DTNA: variants seen among roughly 807,000 people sequenced by gnomAD.
DTNA encodes the protein dystrobrevin alpha, also known as dystrophin-related protein 3.
In DTNA, 43 loss-of-function variants were observed where a neutral mutation model predicts 100.7. The observed-to-expected ratio is 0.43, with a 90% CI of 0.33 to 0.55. The LOEUF (loss-of-function observed/expected upper bound fraction) is 0.55, where lower values mean the gene tolerates loss of function less well. DTNA is among the 20% of genes least tolerant of loss of function. The pLI is 0.04. For synonymous variants in DTNA, 349 were observed against 347.9 expected, an observed-to-expected ratio of 1.00 and a Z score of -0.04; for missense variants, 798 against 953.9, an observed-to-expected ratio of 0.84 and a Z score of 2.15.
chr18:34,576,304 A>G (rs1357929014), intron 1 of DTNA, among the ~76,000 whole-genome samples: 5 of 152,236 alleles, frequency 3.3e-5, no homozygotes, highest in African/African-American at 1.2e-4. Context: ...CCAGGAACCC[A>G]GAATATCCCA....
At chr18:34,674,740 A>G (rs2077190307) in intron 1 of DTNA, among the ~76,000 whole-genome samples, 1 of 152,230 alleles carries the variant, frequency 6.6e-6, no homozygotes, top group Admixed American at 6.5e-5. Context: ...GCATTTAGTG[A>G]TGATTGCTAT....
chr18:34,642,556 T>C (rs992922113), intron 1 of DTNA, among the ~76,000 whole-genome samples: 1 of 151,260 alleles, frequency 6.6e-6, no homozygotes, highest in Non-Finnish European at 1.5e-5. Flanking sequence ...CTTCTTTCTT[T>C]CTTTCTTTTC....
intron 1 of DTNA, among the ~76,000 whole-genome samples, chr18:34,700,835 T>C (rs1014316010): frequency 6.6e-6 from 1 of 152,236 alleles, no homozygotes; most frequent in Non-Finnish European, 1.5e-5. Context: ...CCAACCTTGC[T>C]TCTTACTTCA....
intron 1 of DTNA, among the ~76,000 whole-genome samples, chr18:34,717,749 G>T (rs548645613): frequency 6.6e-6 from 1 of 152,188 alleles, no homozygotes; most frequent in East Asian, 1.9e-4. Flanking sequence ...AGGAAGCACT[G>T]GGATAAACCT....
chr18:34,564,196 G>T (rs1307087676), intron 1 of DTNA, among the ~76,000 whole-genome samples: 1 of 152,014 alleles, frequency 6.6e-6, no homozygotes, highest in Non-Finnish European at 1.5e-5. Flanking sequence ...AGGCTGGAGT[G>T]CAGTGGCTCA....
intron 1 of DTNA, among the ~76,000 whole-genome samples, chr18:34,577,409 G>A (rs955217132): frequency 6.6e-6 from 1 of 151,922 alleles, no homozygotes; most frequent in African/African-American, 2.4e-5. Context: ...TTTTTATTCA[G>A]TCTGATAATG....
chr18:34,841,818 A>T (rs1336450160), intron 13 of DTNA, among the ~76,000 whole-genome samples: 1 of 152,080 alleles, frequency 6.6e-6, no homozygotes, highest in African/African-American at 2.4e-5. Flanking sequence ...CATTATTCAG[A>T]CCTAATCCTG....
At chr18:34,836,857 C>A (rs1240112162) in intron 11 of DTNA, among the ~76,000 whole-genome samples, 1 of 152,004 alleles carries the variant, frequency 6.6e-6, no homozygotes, top group Non-Finnish European at 1.5e-5. Context: ...TTCAAGGAAT[C>A]TTTTAATATA....
intron 1 of DTNA, among the ~76,000 whole-genome samples, chr18:34,718,915 G>A (rs1359814932): frequency 6.6e-6 from 1 of 152,170 alleles, no homozygotes; most frequent in Admixed American, 6.5e-5. Flanking sequence ...TCGGATTTAA[G>A]AAAATAGAAG....
intron 1 of DTNA, among the ~76,000 whole-genome samples, chr18:34,560,658 C>T (rs1429206885): frequency 6.6e-6 from 1 of 152,166 alleles, no homozygotes; most frequent in Non-Finnish European, 1.5e-5. Context: ...GTAATCCCAG[C>T]ACTTTGGGAG....
chr18:34,622,672 G>A (rs1169693935), intron 1 of DTNA, among the ~76,000 whole-genome samples: 2 of 152,164 alleles, frequency 1.3e-5, no homozygotes, highest in East Asian at 1.9e-4. Context: ...TGCTGGAGCT[G>A]GGTTACACTC....
chr18:34,659,456 A>G (rs2074860134), intron 1 of DTNA, among the ~76,000 whole-genome samples: 2 of 152,112 alleles, frequency 1.3e-5, no homozygotes, highest in Non-Finnish European at 2.9e-5. Flanking sequence ...GCCAATGACT[A>G]CTGGACTGTA....
intron 15 of DTNA, among the ~76,000 whole-genome samples, chr18:34,857,637 T>C (rs1322094755): frequency 6.6e-6 from 1 of 152,154 alleles, no homozygotes; most frequent in Non-Finnish European, 1.5e-5. Context: ...ACTCAATTAC[T>C]GTGAATCTTT....
intron 1 of DTNA, among the ~76,000 whole-genome samples, chr18:34,589,167 A>G (rs904862347): frequency 6.6e-6 from 1 of 152,096 alleles, no homozygotes; most frequent in Non-Finnish European, 1.5e-5. Flanking sequence ...GATTATATGT[A>G]GCATGCTGCT....
intron 3 of DTNA, among the ~76,000 whole-genome samples, chr18:34,792,081 A>G (rs929798340): frequency 3.2e-4 from 35 of 109,186 alleles, no homozygotes; most frequent in Middle Eastern, 4.6e-3. Context: ...TAACGGTTCT[A>G]TGTAACCTGT....
Position 34,565,119 on chromosome 18 carries a change from A to T in DTNA, c.-2+71605A>T, listed in dbSNP as rs539244463. 5.3e-3 allele frequency among the ~76,000 whole-genome samples: 801 copies of T among 152,352 alleles called. 10 individuals carry two copies. Among genetic ancestry groups the T allele is most frequent in the African/African-American group, 0.018 (755 of 41,574 alleles). Reference sequence around the variant, plus strand: ...AAAAGTCATACAAATGAAAAGAAACATTTAATAAGAATACAACTGTGCTAA... The same window carrying T: ...AAAAGTCATACAAATGAAAAGAAACTTTTAATAAGAATACAACTGTGCTAA... On this transcript the variant is annotated intron_variant, in intron 1 of 19. Transcript: ENST00000283365.
In DTNA at chr18:34,889,731, C is replaced by A; in HGVS notation, c.*1997C>A. On this transcript the variant is annotated 3_prime_UTR_variant, in exon 23 of 23. Coordinates refer to ENST00000444659, the MANE Select transcript of DTNA (RefSeq NM_001386795.1). ...CATTAGTGAGAAGCCCATCCTATCC[C>A]TTGACATACTTAATCATATATCTCT... is the stretch of plus-strand genomic sequence containing the variant. 1 of 986,092 alleles carries A rather than the reference C, an allele frequency of 1.0e-6. No individual in the cohort carries two copies. The highest frequency in any genetic ancestry group is 4.7e-5 in the South Asian group (1 of 21,296). 61.1% of individuals were successfully genotyped at this position (986,092 alleles called of 1,614,324 possible).
At chr18:34,764,703 A>C (rs1028452447) in intron 2 of DTNA, among the ~76,000 whole-genome samples, 2 of 152,236 alleles carry the variant, frequency 1.3e-5, no homozygotes, top group African/African-American at 4.8e-5. Context: ...GCTGAGTTTC[A>C]CTGGGAAAGC....
chr18:34,793,207 G>A (rs1204892813), intron 3 of DTNA, among the ~76,000 whole-genome samples: 2 of 152,132 alleles, frequency 1.3e-5, no homozygotes, highest in Admixed American at 6.5e-5. Context: ...GGATTGCAGA[G>A]GAGCATGAGA....
Sources: allele counts gnomAD v4.1 joint callset (sites outside exome capture counted in the v4.1 genomes callset), GRCh38; gene constraint gnomAD v4.1.1; transcripts MANE v1.5; gene names NCBI Gene and HGNC (gene_info 2026-07-23, HGNC 2026-07-21).